Variants in SRRM3 observed in about 807,000 individuals in gnomAD.
The protein encoded by SRRM3 is serine/arginine repetitive matrix protein 3.
Under a neutral mutation model 66.2 loss-of-function variants are expected in SRRM3, and 27 were observed. That is an observed-to-expected ratio of 0.41 (90% CI 0.30 to 0.56). SRRM3 has a LOEUF of 0.56. SRRM3 is among the 20% of genes least tolerant of loss of function. The pLI is 0.32. For synonymous variants in SRRM3, 391 were observed against 414.9 expected, an observed-to-expected ratio of 0.94 and a Z score of 0.70; for missense variants, 918 against 991.9, an observed-to-expected ratio of 0.93 and a Z score of 1.00.
At chr7:76,216,229 C>T (rs1362216071) in intron 1 of SRRM3, among the ~76,000 whole-genome samples, 1 of 151,918 alleles carries the variant, frequency 6.6e-6, no homozygotes, top group Non-Finnish European at 1.5e-5. Flanking sequence ...GTTGGGATTA[C>T]AGGCATGAGC....
In SRRM3 at chr7:76,243,571, G is replaced by A. The variant is rs539984965; in HGVS notation, c.234-4617G>A. Among the ~76,000 whole-genome samples, 159 of 152,242 alleles carry A rather than the reference G, an allele frequency of 1.0e-3. 1 individual carries two copies. The highest frequency in any genetic ancestry group is 3.4e-3 in the Middle Eastern group (1 of 294). Reference sequence around the variant, plus strand: ...CCAGCCCTGCATATATGCCGCTGCAGGTCTCCCTGAAACCCATTTGTGCCC... The same window carrying A: ...CCAGCCCTGCATATATGCCGCTGCAAGTCTCCCTGAAACCCATTTGTGCCC... On this transcript the variant is annotated intron_variant, in intron 2 of 14. Coordinates refer to ENST00000611745, the MANE Select transcript of SRRM3 (RefSeq NM_001110199.3).
intron 3 of SRRM3, among the ~76,000 whole-genome samples, chr7:76,255,634 G>A (rs1334130076): frequency 2.0e-5 from 3 of 152,054 alleles, no homozygotes; most frequent in Non-Finnish European, 4.4e-5. Flanking sequence ...TGTAAAGACA[G>A]GAGTCTCACT....
intron 2 of SRRM3, among the ~76,000 whole-genome samples, chr7:76,238,507 T>C (rs1458844432): frequency 1.3e-5 from 2 of 152,088 alleles, no homozygotes; most frequent in Non-Finnish European, 1.5e-5. Context: ...ATTGATGGCG[T>C]ACTTGGAGTC....
chr7:76,204,431 C>G (rs1341430075), intron 1 of SRRM3, among the ~76,000 whole-genome samples: 1 of 152,186 alleles, frequency 6.6e-6, no homozygotes. Context: ...GCTGCTGTCT[C>G]CCTTTCACAT....
At chr7:76,204,680 A>C (rs1038891169) in intron 1 of SRRM3, among the ~76,000 whole-genome samples, 1 of 152,198 alleles carries the variant, frequency 6.6e-6, no homozygotes, top group Non-Finnish European at 1.5e-5. Context: ...CATGAGTCCA[A>C]GGACCTTCTT....
chr7:76,235,445 T>C (rs916249992), intron 2 of SRRM3, 146 bp downstream of exon 2: 14 of 749,846 alleles, frequency 1.9e-5, no homozygotes, highest in African/African-American at 1.5e-4. Flanking sequence ...GTCGGGCGAC[T>C]GTGGGAACCC....
At chr7:76,202,822 T>C (rs980742602) in intron 1 of SRRM3, among the ~76,000 whole-genome samples, 2 of 152,178 alleles carry the variant, frequency 1.3e-5, no homozygotes, top group Admixed American at 6.6e-5. Context: ...CCAGGGCTCC[T>C]GCCTGGACAG....
chr7:76,240,347 G>A lies in SRRM3; in HGVS notation c.233+5048G>A, dbSNP rs1384223421. On this transcript the variant is annotated intron_variant, in intron 2 of 14. Transcript: ENST00000611745. ...TTTAAAAATTAAAAATAGGCCGGGT[G>A]CATTGGCTCATGCCTGTAATCCCAG... Among the ~76,000 whole-genome samples the A allele has an allele frequency of 2.6e-5, 4 of 152,064 alleles. 1 individual carries two copies. Among genetic ancestry groups the A allele is most frequent in the South Asian group, 4.2e-4 (2 of 4,806 alleles).
intron 1 of SRRM3, among the ~76,000 whole-genome samples, chr7:76,218,237 T>A (rs1486915695): frequency 2.0e-5 from 3 of 152,204 alleles, no homozygotes; most frequent in African/African-American, 7.2e-5. Context: ...CTTGGGAGGG[T>A]CCTCAGAGAG....
intron 11 of SRRM3, 123 bp from the exon 12 acceptor site, chr7:76,281,312 TTCTGTC>T (rs1305532006): frequency 1.1e-4 from 70 of 608,884 alleles, no homozygotes; most frequent in African/African-American, 1.8e-4. Context: ...TCTTTCCTCT[TTCTGTC>T]TCTGTCTCTG....
At position 76,248,152 on chromosome 7, in the gene SRRM3, G is replaced by C. The variant is rs782572156; in HGVS notation, c.234-36G>C. The C allele has an allele frequency of 6.4e-6, 10 of 1,564,726 alleles. No individual in the cohort carries two copies. In the East Asian group the frequency reaches 1.8e-4, roughly 28 times the overall value. On this transcript the variant is annotated intron_variant, in intron 2 of 14. Transcript: ENST00000611745. The stretch of plus-strand genomic sequence containing the variant: ...GCAGGAAAGAGGGAACCAAATCTGG[G>C]AGACCAGCCCCTTCACCCTCTCTGT...
intron 11 of SRRM3, chr7:76,269,316 G>A (rs1554610198): frequency 6.6e-6 from 1 of 152,132 alleles, no homozygotes; most frequent in Non-Finnish European, 1.5e-5. Context: ...CACCCTTGGG[G>A]CCCTGGGAGA....
intron 1 of SRRM3, among the ~76,000 whole-genome samples, chr7:76,214,658 C>G (rs958279596): frequency 6.6e-6 from 1 of 152,146 alleles, no homozygotes; most frequent in Admixed American, 6.6e-5. Context: ...GGAGCCCCAA[C>G]TTCTGAGTTC....
chr7:76,203,697 G>T (rs1800218676), intron 1 of SRRM3, among the ~76,000 whole-genome samples: 1 of 152,174 alleles, frequency 6.6e-6, no homozygotes, highest in South Asian at 2.1e-4. Context: ...CATGAGGAAG[G>T]CATCATTGTC....
At chr7:76,214,120 C>A (rs1800501253) in intron 1 of SRRM3, among the ~76,000 whole-genome samples, 1 of 152,076 alleles carries the variant, frequency 6.6e-6, no homozygotes, top group Non-Finnish European at 1.5e-5. Context: ...AGACAGGAGG[C>A]CTTTTCCCTC....
chr7:76,247,028 G>A (rs782207499), intron 2 of SRRM3, among the ~76,000 whole-genome samples: 56 of 152,194 alleles, frequency 3.7e-4, no homozygotes, highest in Non-Finnish European at 6.9e-4. Context: ...CCAGGCACGG[G>A]GCCAGGGCTG....
intron 11 of SRRM3, among the ~76,000 whole-genome samples, chr7:76,275,083 G>C (rs372073006): frequency 6.7e-6 from 1 of 148,896 alleles, no homozygotes; most frequent in Non-Finnish European, 1.5e-5. Context: ...TCCAGCATGG[G>C]TGACAGAACA....
chr7:76,226,853 A>G (rs945908424), intron 1 of SRRM3, among the ~76,000 whole-genome samples: 1 of 152,062 alleles, frequency 6.6e-6, no homozygotes, highest in Non-Finnish European at 1.5e-5. Flanking sequence ...GGCCTCCCAA[A>G]GTGCTGAGAT....
At chr7:76,210,604 G>C (rs1339495038) in intron 1 of SRRM3, among the ~76,000 whole-genome samples, 2 of 152,104 alleles carry the variant, frequency 1.3e-5, no homozygotes, top group African/African-American at 4.8e-5. Context: ...AGTTGGGCAC[G>C]GTGGCACACA....
Sources: allele counts gnomAD v4.1 joint callset (sites outside exome capture counted in the v4.1 genomes callset), GRCh38; gene constraint gnomAD v4.1.1; transcripts MANE v1.5; gene names NCBI Gene and HGNC (gene_info 2026-07-23, HGNC 2026-07-21).